Variants in TPRG1 observed in about 807,000 individuals in gnomAD.
TPRG1 encodes tumor protein p63-regulated gene 1 protein.
TPRG1 carries 29 observed loss-of-function variants against 29.3 expected under a neutral mutation model. The ratio of observed to expected loss-of-function variants is 0.99; its 90% CI spans 0.74 to 1.35. TPRG1 has a LOEUF of 1.35. Among genes scored for constraint, TPRG1 ranks in the 40% most tolerant of loss-of-function variants. The pLI is 0.00. For synonymous variants in TPRG1, 130 were observed against 116.8 expected (o/e 1.11, Z -0.73); for missense variants, 327 against 335.0 (o/e 0.98, Z 0.19).
Position 189,183,319 on chromosome 3 carries a change from G to A in TPRG1, c.-10+11188G>A, listed in dbSNP as rs1344182295. ...TCACAGAGATCACATACTTCACAAGGTAGTAGAATATCGCAAGGCAAATGG... is the reference window on the plus strand; with the variant it reads ...TCACAGAGATCACATACTTCACAAGATAGTAGAATATCGCAAGGCAAATGG... On this transcript the variant is annotated intron_variant, in intron 1 of 5. Transcript: ENST00000345063. 2.0e-5 allele frequency among the ~76,000 whole-genome samples: 3 copies of A among 152,104 alleles called. No homozygotes were observed. In the East Asian group the frequency reaches 5.8e-4, roughly 29 times the overall value.
At chr3:189,224,264 C>T (rs1157663875) in intron 3 of TPRG1, among the ~76,000 whole-genome samples, 2 of 152,138 alleles carry the variant, frequency 1.3e-5, no homozygotes. Context: ...GGGTGGATCA[C>T]GAGGTCAAGA....
intron 4 of TPRG1, among the ~76,000 whole-genome samples, chr3:189,066,853 C>A (rs1213656221): frequency 6.6e-6 from 1 of 151,948 alleles, no homozygotes; most frequent in Non-Finnish European, 1.5e-5. Context: ...GAAAAGGCAT[C>A]CAAATTTGAG....
intron 1 of TPRG1, among the ~76,000 whole-genome samples, chr3:189,115,855 C>A (rs1433823105): frequency 6.6e-6 from 1 of 152,108 alleles, no homozygotes; most frequent in Non-Finnish European, 1.5e-5. Context: ...GGCAGGTTAC[C>A]TCTTTTAATC....
intron 4 of TPRG1, among the ~76,000 whole-genome samples, chr3:189,287,400 CTT>C (rs79217716): frequency 2.3e-4 from 32 of 140,590 alleles, no homozygotes; most frequent in Non-Finnish European, 2.3e-4. Context: ...TTCTTTCTTT[CTT>C]TTTTTTTTTT....
chr3:189,186,183 A>G (rs930130961), intron 1 of TPRG1, among the ~76,000 whole-genome samples: 5 of 152,234 alleles, frequency 3.3e-5, no homozygotes, highest in Non-Finnish European at 7.3e-5. Flanking sequence ...TTCACTATGT[A>G]AAAAATCCAG....
chr3:189,195,270 T>C (rs1293673754), intron 1 of TPRG1, among the ~76,000 whole-genome samples: 1 of 152,134 alleles, frequency 6.6e-6, no homozygotes, highest in Non-Finnish European at 1.5e-5. Context: ...ACTACTTCAA[T>C]TTAGACACTA....
chr3:189,225,213 G>C (rs953070246), intron 3 of TPRG1, among the ~76,000 whole-genome samples: 1 of 152,178 alleles, frequency 6.6e-6, no homozygotes, highest in Non-Finnish European at 1.5e-5. Context: ...TTACAGGCGT[G>C]AGCCATCACG....
chr3:189,201,083 G>A (rs771860539), intron 1 of TPRG1, among the ~76,000 whole-genome samples: 5 of 152,138 alleles, frequency 3.3e-5, no homozygotes, highest in Admixed American at 6.5e-5. Context: ...GCAGAGACCC[G>A]CACCAGACAC....
At chr3:189,104,903 A>G (rs1360177923) in intron 1 of TPRG1, among the ~76,000 whole-genome samples, 1 of 152,074 alleles carries the variant, frequency 6.6e-6, no homozygotes, top group Non-Finnish European at 1.5e-5. Flanking sequence ...ACCCATCCCC[A>G]TCAGCTTTGA....
rs986714626 is a variant in TPRG1, at chr3:189,024,329, G to A, written c.-463+383G>A. Among the ~76,000 whole-genome samples the A allele has an allele frequency of 4.6e-5, 7 of 152,282 alleles. No individual in the cohort carries two copies. The East Asian group carries it at 9.7e-4, about 21-fold the overall frequency. ...TGGGGAACCGCCTCTGCCCTGATTC[G>A]TTTGGACTCTCCAAAGCCTCTAGGC... On this transcript the variant is annotated intron_variant, in intron 4 of 10. Coordinates refer to the TPRG1 transcript ENST00000433971.
intron 3 of TPRG1, among the ~76,000 whole-genome samples, chr3:189,020,052 T>C (rs1265354413): frequency 6.6e-6 from 1 of 152,120 alleles, no homozygotes; most frequent in East Asian, 1.9e-4. Context: ...GATGGTAGTT[T>C]GTATTTCTGT....
chr3:189,115,309 A>G (rs945954190), intron 1 of TPRG1, among the ~76,000 whole-genome samples: 1 of 152,224 alleles, frequency 6.6e-6, no homozygotes, highest in Admixed American at 6.5e-5. Flanking sequence ...ATATTGGCGC[A>G]TGGACTGGGA....
upstream of TPRG1, among the ~76,000 whole-genome samples, chr3:189,096,450 A>G (rs1384185731): frequency 5.3e-5 from 8 of 152,070 alleles, no homozygotes; most frequent in Admixed American, 3.9e-4. Flanking sequence ...TTACCTTCCT[A>G]TTAAATTATG....
chr3:189,223,896 A>T (rs73061014), intron 3 of TPRG1, among the ~76,000 whole-genome samples: 2,461 of 152,196 alleles, frequency 0.016, 64 homozygotes, highest in African/African-American at 0.056. Flanking sequence ...ATATTCATTC[A>T]TTCATACATT....
intron 2 of TPRG1, among the ~76,000 whole-genome samples, chr3:189,132,012 G>C (rs1003638571): frequency 6.6e-6 from 1 of 152,118 alleles, no homozygotes; most frequent in African/African-American, 2.4e-5. Context: ...TTCTCCATGT[G>C]AAAAATGAAA....
At chr3:189,216,410 A>G (rs1011488602) in intron 3 of TPRG1, among the ~76,000 whole-genome samples, 1 of 152,208 alleles carries the variant, frequency 6.6e-6, no homozygotes, top group African/African-American at 2.4e-5. Context: ...AAGTAGAGCC[A>G]TTATCACCTG....
At chr3:189,101,429 C>T (rs976683731) in intron 1 of TPRG1, among the ~76,000 whole-genome samples, 3 of 152,016 alleles carry the variant, frequency 2.0e-5, no homozygotes, top group Admixed American at 1.3e-4. Context: ...AGGTATTTGG[C>T]GACACCATCC....
intron 4 of TPRG1, among the ~76,000 whole-genome samples, chr3:189,276,450 G>A (rs576490933): frequency 7.2e-5 from 11 of 152,312 alleles, no homozygotes; most frequent in African/African-American, 2.6e-4. Context: ...TTAGTGTTGA[G>A]TGACTACTAG....
chr3:189,056,036 CCTTCCTT>C (rs1560417897), intron 4 of TPRG1, among the ~76,000 whole-genome samples: 814 of 37,332 alleles, frequency 0.022, 27 homozygotes, highest in South Asian at 0.08. Flanking sequence ...TCCCTCCCTT[CCTTCCTT>C]CCTTCCTTCC....
Sources: allele counts gnomAD v4.1 joint callset (sites outside exome capture counted in the v4.1 genomes callset), GRCh38; gene constraint gnomAD v4.1.1; transcripts MANE v1.5; gene names NCBI Gene and HGNC (gene_info 2026-07-23, HGNC 2026-07-21).